The following BDP1 variants were observed in gnomAD, a reference collection of about 807,000 sequenced individuals.
BDP1 encodes the protein BDP1 general transcription factor IIIB subunit, also known as transcription factor TFIIIB component B'' homolog.
BDP1 carries 169 observed loss-of-function variants against 266.6 expected under a neutral mutation model. That is an observed-to-expected ratio of 0.63 (90% CI 0.56 to 0.72). The LOEUF (loss-of-function observed/expected upper bound fraction) is 0.72. Among genes scored for constraint, BDP1 ranks in the 30% least tolerant of loss-of-function variants. BDP1 has a pLI of 0.00. For missense variants in BDP1, 3,015 were observed against 3,053.8 expected (o/e 0.99, Z 0.30); for synonymous variants, 1,090 against 1,022.4 (o/e 1.07, Z -1.26).
intron 7 of BDP1, among the ~76,000 whole-genome samples, chr5:71,480,352 T>C (rs991245557): frequency 2.7e-5 from 4 of 147,534 alleles, no homozygotes; most frequent in African/African-American, 5.0e-5. Context: ...GCCAGGATGG[T>C]CTCAATCTCT....
chr5:71,502,726 A>T lies in BDP1; in HGVS notation c.2176A>T (p.Ile726Leu), dbSNP rs34588160. 5.0e-3 allele frequency: 8,087 copies of T among 1,614,042 alleles called. 67 individuals carry two copies. In the Middle Eastern group the frequency reaches 0.053, roughly 11 times the overall value. ...AGCTGCTGAAAGAAAAGAAATTCTC[A>T]TATCACAGGAAGAAATTGGGGCCAA... is the stretch of plus-strand genomic sequence containing the variant. Reference protein sequence around the residue: ...GKAAERKEILISQEEIGANVE... With the variant: ...GKAAERKEILLSQEEIGANVE... Residue 726 changes from isoleucine to leucine, a missense_variant, in exon 15 of 39, where the codon ATA becomes TTA. Physicochemically the swap from Ile to Leu is conservative, Grantham distance 5. This residue lies in a region of BDP1 where 2,383 missense variants were observed against 2,404.9 expected (regional missense o/e 0.99). Transcript: ENST00000358731.
At position 71,462,771 on chromosome 5, in the gene BDP1, TG is replaced by T. The variant is rs1273919817; in HGVS notation, c.599+846del. Among the ~76,000 whole-genome samples, 7 of 150,616 alleles carry T rather than the reference TG, an allele frequency of 4.6e-5. No homozygotes were observed. The South Asian group carries it at 1.2e-3, about 27-fold the overall frequency. On this transcript the variant is annotated intron_variant, in intron 3 of 38. Transcript: ENST00000358731. ...CGAGATCCTGTCTCAAAAAAAAAAA[TG>T]TTTTTTCTTTGTTATATTAGTTACC...
intron 7 of BDP1, among the ~76,000 whole-genome samples, chr5:71,480,882 A>G (rs1762914257): frequency 1.3e-5 from 2 of 152,310 alleles, no homozygotes; most frequent in South Asian, 4.1e-4. Flanking sequence ...AGTTTTTTTG[A>G]AATTGCATAC....
At chr5:71,546,249 C>A (rs10942683) in intron 32 of BDP1, among the ~76,000 whole-genome samples, 58,265 of 151,958 alleles carry the variant, frequency 0.38, 12,037 homozygotes, top group South Asian at 0.47. Context: ...TTATCCCATA[C>A]ACTTCACTTT....
rs368537366 is a variant in BDP1, at chr5:71,536,788, G to A, written c.5893-2254G>A. On this transcript the variant is annotated intron_variant, in intron 26 of 38. Coordinates refer to ENST00000358731, the MANE Select transcript of BDP1 (RefSeq NM_018429.3). ...GAGGTTGCAGTAAGCTGTCATCGCCGTCACTGCACCCCAGTCTGGGCATCA... is the reference window on the plus strand; with the variant it reads ...GAGGTTGCAGTAAGCTGTCATCGCCATCACTGCACCCCAGTCTGGGCATCA... 3.6e-4 allele frequency among the ~76,000 whole-genome samples: 55 copies of A among 152,090 alleles called. No homozygotes were observed. The East Asian group carries it at 0.01, about 28-fold the overall frequency.
In BDP1 at chr5:71,466,136, A is replaced by G. The variant is rs377722124; in HGVS notation, c.700A>G (p.Met234Val). The stretch of plus-strand genomic sequence containing the variant: ...TACTCCTAATGCTGAAGATAATGAA[A>G]TGGAAGAAGAGACAGATGATGGGCC... ...KSTPNAEDNE[M>V]EEETDDGPLL... is the part of the protein sequence containing the mutation. The change falls in exon 5 of 39, where the codon ATG (methionine) becomes GTG (valine). Residue 234 changes from methionine to valine, a missense_variant. This residue lies in a region of BDP1 where 2,383 missense variants were observed against 2,404.9 expected (regional missense o/e 0.99). Coordinates refer to ENST00000358731, the MANE Select transcript of BDP1 (RefSeq NM_018429.3). 2 of 1,613,744 alleles carry G rather than the reference A, an allele frequency of 1.2e-6. No individual in the cohort carries two copies. The highest frequency in any genetic ancestry group is 1.3e-5 in the African/African-American group (1 of 74,914).
At chr5:71,474,075 G>A (rs868103875) in intron 7 of BDP1, among the ~76,000 whole-genome samples, 1 of 152,036 alleles carries the variant, frequency 6.6e-6, no homozygotes, top group Middle Eastern at 3.4e-3. Flanking sequence ...CGCCTCCCGG[G>A]TTCATGCCAT....
intron 6 of BDP1, among the ~76,000 whole-genome samples, chr5:71,468,498 G>T (rs982573908): frequency 8.0e-5 from 12 of 150,518 alleles, no homozygotes; most frequent in African/African-American, 2.9e-4. Context: ...TCTGCTGAAA[G>T]AAATATTTTT....
intron 22 of BDP1, among the ~76,000 whole-genome samples, chr5:71,518,571 C>T (rs1355912101): frequency 6.6e-6 from 1 of 152,140 alleles, no homozygotes; most frequent in Non-Finnish European, 1.5e-5. Context: ...CCACCTCAAC[C>T]TCTCGAGTAG....
chr5:71,473,353 C>T (rs1762383689), intron 7 of BDP1, among the ~76,000 whole-genome samples: 1 of 141,476 alleles, frequency 7.1e-6, no homozygotes, highest in South Asian at 2.2e-4. Context: ...GGGCTCACTG[C>T]AAGCTCCGCC....
chr5:71,470,325 G>GT, intron 6 of BDP1, 70 bp from the exon 7 acceptor site: 2 of 1,166,076 alleles, frequency 1.7e-6, no homozygotes, highest in Non-Finnish European at 2.5e-6. Context: ...GTCAAATTCT[G>GT]TAAGATTTCT....
At chr5:71,551,896 CG>C (rs1377682427) in intron 34 of BDP1, among the ~76,000 whole-genome samples, 1 of 145,932 alleles carries the variant, frequency 6.9e-6, no homozygotes, top group Non-Finnish European at 1.5e-5. Context: ...GCTGGCCAGG[CG>C]GGGGGCTGAC....
intron 23 of BDP1, 81 bp from the exon 24 acceptor site, chr5:71,522,675 G>A: frequency 7.3e-7 from 1 of 1,371,624 alleles, no homozygotes; most frequent in Non-Finnish European, 1.0e-6. Flanking sequence ...TAAACTTAGA[G>A]GTTTAGGCCA....
intron 10 of BDP1, among the ~76,000 whole-genome samples, chr5:71,490,668 T>C (rs550671757): frequency 6.6e-6 from 1 of 152,330 alleles, no homozygotes; most frequent in African/African-American, 2.4e-5. Flanking sequence ...TACTAATTAG[T>C]ATACTTCTGA....
chr5:71,568,738 C>T (rs1041876038), downstream of BDP1, among the ~76,000 whole-genome samples: 2 of 152,212 alleles, frequency 1.3e-5, no homozygotes, highest in Non-Finnish European at 2.9e-5. Context: ...GTATGTCTTC[C>T]TAAGACATCT....
intron 11 of BDP1, among the ~76,000 whole-genome samples, chr5:71,492,279 A>G (rs1763642103): frequency 6.6e-6 from 1 of 152,192 alleles, no homozygotes; most frequent in Non-Finnish European, 1.5e-5. Flanking sequence ...GCTAGATCAT[A>G]TGGTAGTTCT....
chr5:71,473,770 C>A (rs993058635), intron 7 of BDP1, among the ~76,000 whole-genome samples: 1 of 152,002 alleles, frequency 6.6e-6, no homozygotes. Flanking sequence ...TGTTGGTGTG[C>A]TGCACCCATT....
intron 25 of BDP1, 75 bp from the exon 26 acceptor site, chr5:71,532,233 T>C (rs1048326528): frequency 1.5e-5 from 20 of 1,314,234 alleles, no homozygotes; most frequent in Admixed American, 2.0e-5. Context: ...ATCTTACTTA[T>C]TCATGTTGAA....
the BDP1 span, among the ~76,000 whole-genome samples, chr5:71,575,437 T>TA: frequency 2.0e-5 from 3 of 152,242 alleles, no homozygotes; most frequent in East Asian, 3.9e-4. Flanking sequence ...AAAGAACAAT[T>TA]GGATGCAGGA....
Sources: gnomAD v4.1 joint callset for allele counts (sites outside exome capture counted in the v4.1 genomes callset) on GRCh38, gnomAD v4.1.1 for gene constraint, gnomAD v4.1.1 regional missense constraint, MANE v1.5 for transcripts, NCBI Gene and HGNC (gene_info 2026-07-23, HGNC 2026-07-21) for gene names.